Variants in CRACDL observed in about 807,000 individuals in gnomAD.
CRACDL encodes CRACD-like protein.
Under a neutral mutation model 70.6 loss-of-function variants are expected in CRACDL, and 26 were observed. The observed-to-expected ratio is 0.37, with a 90% CI of 0.27 to 0.51. CRACDL has a LOEUF of 0.51. Ranked by LOEUF, CRACDL falls within the 20% of genes least tolerant of loss-of-function variation. The probability of loss-of-function intolerance (pLI) is 0.94; values close to 1 mark genes in which losing one functional copy is unlikely to be tolerated. For synonymous variants in CRACDL, 618 were observed against 615.2 expected (o/e 1.00, Z -0.07); for missense variants, 1,283 against 1,376.9 (o/e 0.93, Z 1.08).
chr2:98,881,632 G>A (rs905397650), intron 1 of CRACDL, among the ~76,000 whole-genome samples: 19 of 152,220 alleles, frequency 1.2e-4, no homozygotes, highest in African/African-American at 4.1e-4. Context: ...CGTGTCATCA[G>A]GGGAGCCTTC....
intron 7 of CRACDL, among the ~76,000 whole-genome samples, chr2:98,812,273 C>G (rs576613236): frequency 1.3e-5 from 2 of 152,324 alleles, no homozygotes; most frequent in South Asian, 4.1e-4. Flanking sequence ...CCGCACCTGG[C>G]TGGTTTTTGG....
chr2:98,803,678 T>G (rs1017611677), intron 7 of CRACDL, among the ~76,000 whole-genome samples: 1 of 152,192 alleles, frequency 6.6e-6, no homozygotes, highest in Non-Finnish European at 1.5e-5. Flanking sequence ...CATTCCCAGG[T>G]CTTCACAACA....
chr2:98,880,751 G>T (rs1707626103), intron 1 of CRACDL, among the ~76,000 whole-genome samples: 1 of 152,190 alleles, frequency 6.6e-6, no homozygotes, highest in East Asian at 1.9e-4. Context: ...ACTCAACCCA[G>T]ACTTGCCCCA....
At chr2:98,814,426 T>C (rs750344248) in intron 7 of CRACDL, among the ~76,000 whole-genome samples, 2 of 152,198 alleles carry the variant, frequency 1.3e-5, no homozygotes, top group East Asian at 1.9e-4. Context: ...AGTGGTGTAG[T>C]GTTTAATTTC....
At chr2:98,856,073 A>C (rs374288536) in intron 1 of CRACDL, among the ~76,000 whole-genome samples, 20 of 152,312 alleles carry the variant, frequency 1.3e-4, no homozygotes, top group African/African-American at 4.1e-4. Context: ...ATAATAGCCA[A>C]AAACTTTCTA....
intron 1 of CRACDL, among the ~76,000 whole-genome samples, chr2:98,906,078 A>G (rs1226252925): frequency 6.6e-6 from 1 of 151,990 alleles, no homozygotes; most frequent in African/African-American, 2.4e-5. Context: ...GTGTTGGGCT[A>G]TTTGATATTA....
intron 1 of CRACDL, among the ~76,000 whole-genome samples, chr2:98,853,013 GAGGGGAAGGGAAGGGAAAGGGAAGGGA>G (rs1322248075): frequency 2.5e-5 from 3 of 120,338 alleles, no homozygotes; most frequent in Non-Finnish European, 5.2e-5. Flanking sequence ...GAGGGGAGGG[GAGGGGAAGGGAAGGGAAAGGGAAGGGA>G]AGGGGAAAGG....
intron 3 of CRACDL, 122 bp downstream of exon 3, chr2:98,837,997 T>C: frequency 1.3e-6 from 1 of 777,804 alleles, no homozygotes; most frequent in East Asian, 2.9e-5. Flanking sequence ...ACAACTTCTA[T>C]GGAAGAACCT....
At chr2:98,874,282 C>T (rs1186245791) in intron 1 of CRACDL, among the ~76,000 whole-genome samples, 1 of 152,234 alleles carries the variant, frequency 6.6e-6, no homozygotes, top group Non-Finnish European at 1.5e-5. Context: ...AACCCAACAG[C>T]CATCATAGAT....
intron 7 of CRACDL, among the ~76,000 whole-genome samples, chr2:98,803,795 T>C (rs1559201016): frequency 1.3e-5 from 2 of 152,196 alleles, no homozygotes; most frequent in Admixed American, 6.5e-5. Context: ...CTGTGCCTCG[T>C]TGCTTCAACA....
chr2:98,892,023 A>G (rs1157296065), intron 1 of CRACDL, among the ~76,000 whole-genome samples: 3 of 152,238 alleles, frequency 2.0e-5, no homozygotes, highest in Non-Finnish European at 4.4e-5. Context: ...CTGGAAATTT[A>G]AGAAGGTAGA....
chr2:98,818,079 T>C (rs1704863583), intron 7 of CRACDL, among the ~76,000 whole-genome samples: 1 of 152,228 alleles, frequency 6.6e-6, no homozygotes, highest in Admixed American at 6.5e-5. Context: ...TTATGACCTG[T>C]AATTTAGACT....
rs186210318 is a variant in CRACDL at position 98,870,986 on chromosome 2, C to T, written c.-10-24176G>A. On this transcript the variant is annotated intron_variant, in intron 1 of 9. Transcript: ENST00000397899. ...GAATGCCCAGGGACCGCGAGATTCG[C>T]GAAGAGCAGGGGTAGCAAGACACCT... 1.2e-4 allele frequency among the ~76,000 whole-genome samples: 19 copies of T among 152,378 alleles called. No individual in the cohort carries two copies. In the East Asian group the frequency reaches 2.9e-3, roughly 23 times the overall value.
intron 1 of CRACDL, among the ~76,000 whole-genome samples, chr2:98,890,770 T>C (rs553406228): frequency 6.6e-6 from 1 of 152,266 alleles, no homozygotes; most frequent in Admixed American, 6.5e-5. Flanking sequence ...ATTTGAAACT[T>C]TGGGGGCTGG....
At chr2:98,924,063 A>T (rs1272624103) in intron 1 of CRACDL, among the ~76,000 whole-genome samples, 1 of 152,248 alleles carries the variant, frequency 6.6e-6, no homozygotes, top group Non-Finnish European at 1.5e-5. Flanking sequence ...AGAAGTGTTT[A>T]TTTAGGAATT....
intron 7 of CRACDL, among the ~76,000 whole-genome samples, chr2:98,813,528 A>G (rs1704659088): frequency 6.6e-6 from 1 of 152,254 alleles, no homozygotes; most frequent in Non-Finnish European, 1.5e-5. Flanking sequence ...ATTCATAGGC[A>G]AAAGTATGAA....
intron 7 of CRACDL, among the ~76,000 whole-genome samples, chr2:98,803,753 A>C (rs956117249): frequency 1.3e-5 from 2 of 152,212 alleles, no homozygotes; most frequent in Non-Finnish European, 2.9e-5. Flanking sequence ...CATCATCGCC[A>C]TTTCTCACAG....
At chr2:98,806,949 AC>A (rs1704328901) in intron 7 of CRACDL, among the ~76,000 whole-genome samples, 1 of 152,142 alleles carries the variant, frequency 6.6e-6, no homozygotes, top group South Asian at 2.1e-4. Context: ...TTTCTCTATT[AC>A]ATCTGGGCCC....
rs138462252 is a variant in CRACDL, at chr2:98,913,838, C to G, written c.-11+22100G>C. On this transcript the variant is annotated intron_variant, in intron 1 of 9. Coordinates refer to ENST00000397899, the MANE Select transcript of CRACDL (RefSeq NM_207362.3). ...TGCAATCAGCTAAGCTATGTGAGAG[C>G]CCTGGCAAGGCACCTGGCCTGGGGC... is the stretch of plus-strand genomic sequence containing the variant. Among the ~76,000 whole-genome samples the G allele has an allele frequency of 2.6e-5, 4 of 152,326 alleles. No homozygotes were observed. The East Asian group carries it at 7.7e-4, about 29-fold the overall frequency.
Sources: gnomAD v4.1 joint callset for allele counts (sites outside exome capture counted in the v4.1 genomes callset) on GRCh38, gnomAD v4.1.1 for gene constraint, MANE v1.5 for transcripts, NCBI Gene and HGNC (gene_info 2026-07-23, HGNC 2026-07-21) for gene names.